CSNK1G2: variants seen among roughly 807,000 people sequenced by gnomAD.
CSNK1G2 encodes casein kinase 1 gamma 2.
Under a neutral mutation model 48.0 loss-of-function variants are expected in CSNK1G2, and 11 were observed. The observed-to-expected ratio is 0.23, with a 90% CI of 0.14 to 0.38. The LOEUF is 0.38. CSNK1G2 is among the 10% of genes least tolerant of loss of function. The pLI is 1.00. For synonymous variants in CSNK1G2, 337 were observed against 254.1 expected (o/e 1.33, Z -3.10); for missense variants, 446 against 595.5 (o/e 0.75, Z 2.61).
intron 1 of CSNK1G2, among the ~76,000 whole-genome samples, chr19:1,947,455 C>G (rs1207499157): frequency 1.3e-5 from 2 of 152,278 alleles, no homozygotes; most frequent in Non-Finnish European, 2.9e-5. Flanking sequence ...AGTTGTGCCC[C>G]TCGGGCTTCT....
At chr19:1,941,789 A>T (rs1366810024) in intron 1 of CSNK1G2, among the ~76,000 whole-genome samples, 1 of 22,452 alleles carries the variant, frequency 4.5e-5, no homozygotes, top group African/African-American at 1.2e-4. Flanking sequence ...TGACCCCCCC[A>T]CTCTGCACCC....
At chr19:1,953,623 C>A in intron 1 of CSNK1G2, 1 of 421,018 alleles carries the variant, frequency 2.4e-6, no homozygotes. Flanking sequence ...CAGCTTTTCC[C>A]TGGTCAGCTC....
intron 1 of CSNK1G2, among the ~76,000 whole-genome samples, chr19:1,969,286 C>T (rs975748843): frequency 2.0e-5 from 3 of 148,936 alleles, no homozygotes; most frequent in African/African-American, 7.4e-5. Flanking sequence ...CTACCCTGTT[C>T]GTCCCCAGGC....
chr19:1,950,424 C>A (rs1365314152), intron 1 of CSNK1G2, among the ~76,000 whole-genome samples: 4 of 147,184 alleles, frequency 2.7e-5, no homozygotes, highest in Non-Finnish European at 5.9e-5. Context: ...CAGGCGTGAG[C>A]CACCGCGCCT....
intron 1 of CSNK1G2, among the ~76,000 whole-genome samples, chr19:1,958,934 C>T (rs377378026): frequency 2.1e-3 from 249 of 119,188 alleles, no homozygotes; most frequent in African/African-American, 7.8e-3. Context: ...CCACAGCAGC[C>T]GGTATTGAGT....
At chr19:1,980,120 C>G (rs1420282899) in intron 11 of CSNK1G2, 29 bp from the exon 12 acceptor site, 2 of 1,612,254 alleles carry the variant, frequency 1.2e-6, no homozygotes, top group African/African-American at 2.7e-5. Flanking sequence ...GCACCCCGGT[C>G]CTCCTACCTG....
intron 1 of CSNK1G2, among the ~76,000 whole-genome samples, chr19:1,964,250 G>A (rs1044953184): frequency 6.6e-6 from 1 of 151,286 alleles, no homozygotes; most frequent in Admixed American, 6.6e-5. Flanking sequence ...CTGTGATTGC[G>A]CCATGGCACT....
At chr19:1,947,585 C>G (rs997074134) in intron 1 of CSNK1G2, among the ~76,000 whole-genome samples, 1 of 152,160 alleles carries the variant, frequency 6.6e-6, no homozygotes, top group Non-Finnish European at 1.5e-5. Context: ...CGGACTGGCC[C>G]GTGTCTGCCT....
chr19:1,948,193 G>C (rs989463020), intron 1 of CSNK1G2, among the ~76,000 whole-genome samples: 6 of 152,208 alleles, frequency 3.9e-5, no homozygotes, highest in Admixed American at 1.3e-4. Flanking sequence ...TCATCCCCAG[G>C]GTGCTGGCCA....
In CSNK1G2 at chr19:1,979,485, C is replaced by T. The variant is rs765282962; in HGVS notation, c.854-10C>T. Reference sequence around the variant, plus strand: ...CCCCCGCCGAGGCCCCGCTGGCGCTCTCTCTGCAGAGGAGATGGCCACGTA... The same window carrying T: ...CCCCCGCCGAGGCCCCGCTGGCGCTTTCTCTGCAGAGGAGATGGCCACGTA... On this transcript the variant is annotated splice_polypyrimidine_tract_variant and intron_variant, in intron 8 of 11. Transcript: ENST00000255641. The T allele has an allele frequency of 3.7e-5, 54 of 1,456,920 alleles. No homozygotes were observed. The East Asian group carries it at 1.6e-3, about 43-fold the overall frequency. The allele number at this position is 1,456,920 out of a possible 1,614,324, so 90.2% of individuals were successfully genotyped here. A position where few individuals can be genotyped will look rare whatever the true frequency, so the allele number is the denominator to read the frequency against.
chr19:1,952,856 C>G (rs2014822692), intron 1 of CSNK1G2: 1 of 396,752 alleles, frequency 2.5e-6, no homozygotes, highest in South Asian at 1.9e-5. Context: ...GTGCCCTTCA[C>G]TCTGCAGCCC....
At chr19:1,949,716 G>C (rs982385898) in intron 1 of CSNK1G2, among the ~76,000 whole-genome samples, 2 of 152,222 alleles carry the variant, frequency 1.3e-5, no homozygotes, top group African/African-American at 4.8e-5. Context: ...TGCACTGTTT[G>C]GGTCCCCTGC....
chr19:1,955,842 G>A (rs935231278), intron 1 of CSNK1G2, among the ~76,000 whole-genome samples: 2 of 152,180 alleles, frequency 1.3e-5, no homozygotes, highest in Non-Finnish European at 2.9e-5. Context: ...GTTTGCTCCC[G>A]GCCGGCCCTG....
chr19:1,948,921 C>T (rs1462704116), intron 1 of CSNK1G2, among the ~76,000 whole-genome samples: 2 of 152,174 alleles, frequency 1.3e-5, no homozygotes, highest in Non-Finnish European at 2.9e-5. Context: ...TGGAGAAAAG[C>T]AGAAGGAAGA....
intron 1 of CSNK1G2, among the ~76,000 whole-genome samples, chr19:1,966,981 C>T (rs1351080411): frequency 6.6e-6 from 1 of 152,134 alleles, no homozygotes; most frequent in East Asian, 1.9e-4. Flanking sequence ...AACGATCCTC[C>T]CGCCTCAGTC....
At chr19:1,947,058 C>T (rs1207312730) in intron 1 of CSNK1G2, among the ~76,000 whole-genome samples, 5 of 152,314 alleles carry the variant, frequency 3.3e-5, no homozygotes, top group Admixed American at 2.6e-4. Flanking sequence ...CCGGCCCTAT[C>T]GCTATTTAAA....
intron 1 of CSNK1G2, among the ~76,000 whole-genome samples, chr19:1,963,809 C>T (rs2015277924): frequency 7.0e-6 from 1 of 142,700 alleles, no homozygotes; most frequent in African/African-American, 2.6e-5. Flanking sequence ...CGCCCAGCCT[C>T]TACAAATTTT....
At chr19:1,961,432 C>T (rs556778544) in intron 1 of CSNK1G2, among the ~76,000 whole-genome samples, 5 of 152,360 alleles carry the variant, frequency 3.3e-5, no homozygotes, top group African/African-American at 9.6e-5. Flanking sequence ...TGCTGAGGAG[C>T]CTCGCAGGCA....
chr19:1,941,476 C>T (rs183531152), intron 1 of CSNK1G2, 58 bp downstream of exon 1: 7,609 of 138,560 alleles, frequency 0.055, 337 homozygotes, highest in Non-Finnish European at 0.087. Flanking sequence ...GCCCTGGGCG[C>T]CCCCAGTGAC....
Sources: gnomAD v4.1 joint callset for allele counts (sites outside exome capture counted in the v4.1 genomes callset) on GRCh38, gnomAD v4.1.1 for gene constraint, MANE v1.5 for transcripts, NCBI Gene and HGNC (gene_info 2026-07-23, HGNC 2026-07-21) for gene names.